The following BOC variants were observed in gnomAD, a reference collection of about 807,000 sequenced individuals.
BOC encodes BOC cell adhesion associated, oncogene regulated, also known as brother of CDO.
Under a neutral mutation model 112.0 loss-of-function variants are expected in BOC, and 76 were observed. The observed-to-expected ratio is 0.68, with a 90% CI of 0.56 to 0.82. BOC has a LOEUF of 0.82. BOC is among the 40% of genes least tolerant of loss of function. The probability of loss-of-function intolerance (pLI) is 0.00; values close to 1 mark genes in which losing one functional copy is unlikely to be tolerated. For missense variants in BOC, 1,309 were observed against 1,511.7 expected (o/e 0.87, Z 2.22); for synonymous variants, 580 against 599.8 (o/e 0.97, Z 0.48).
At chr3:113,280,897 C>G (rs1340264763) in intron 14 of BOC, 134 bp from the exon 15 acceptor site, 2 of 1,253,816 alleles carry the variant, frequency 1.6e-6, no homozygotes, top group African/African-American at 1.5e-5. Flanking sequence ...TCCAGCGTTC[C>G]TCCACACGCC....
At chr3:113,242,896 A>C (rs1398229169) in intron 2 of BOC, among the ~76,000 whole-genome samples, 2 of 152,158 alleles carry the variant, frequency 1.3e-5, no homozygotes, top group African/African-American at 4.8e-5. Context: ...GTAAGATAAC[A>C]GTAGAGATTC....
intron 2 of BOC, among the ~76,000 whole-genome samples, chr3:113,231,116 T>C (rs1430090267): frequency 1.3e-5 from 2 of 152,134 alleles, no homozygotes; most frequent in African/African-American, 4.8e-5. Context: ...CATTTTATGG[T>C]TGAAGGGGTG....
At chr3:113,230,227 C>T (rs951916569) in intron 2 of BOC, among the ~76,000 whole-genome samples, 1 of 152,164 alleles carries the variant, frequency 6.6e-6, no homozygotes, top group Admixed American at 6.6e-5. Context: ...CTCAGACACT[C>T]AGGACCGACT....
At chr3:113,264,235 T>C (rs112430466) in intron 4 of BOC, among the ~76,000 whole-genome samples, 1,722 of 152,264 alleles carry the variant, frequency 0.011, 26 homozygotes, top group African/African-American at 0.04. Flanking sequence ...AGCGTTTGAT[T>C]AATGCGGACA....
intron 2 of BOC, among the ~76,000 whole-genome samples, chr3:113,230,857 A>G (rs1246374170): frequency 6.6e-6 from 1 of 152,236 alleles, no homozygotes; most frequent in Non-Finnish European, 1.5e-5. Flanking sequence ...ATTTCAGCAA[A>G]CTAAGTATTA....
At chr3:113,234,395 G>A (rs1196764611) in intron 2 of BOC, among the ~76,000 whole-genome samples, 1 of 151,886 alleles carries the variant, frequency 6.6e-6, no homozygotes, top group Non-Finnish European at 1.5e-5. Context: ...ATGTGTGTAG[G>A]AACCTGTGTA....
chr3:113,211,552 A>C (rs2107534499), upstream of BOC: 1 of 152,364 alleles, frequency 6.6e-6, no homozygotes, highest in African/African-American at 2.4e-5. Flanking sequence ...ATTGTTTGCG[A>C]GTTCAGTCAT....
chr3:113,226,623 G>A (rs1941705021), intron 2 of BOC, among the ~76,000 whole-genome samples: 1 of 152,230 alleles, frequency 6.6e-6, no homozygotes, highest in Non-Finnish European at 1.5e-5. Context: ...CAAAATGCCA[G>A]TGTTAATACC....
chr3:113,239,206 GT>G (rs958533220), intron 2 of BOC, among the ~76,000 whole-genome samples: 12 of 142,442 alleles, frequency 8.4e-5, no homozygotes, highest in African/African-American at 2.9e-4. Context: ...ATCTTCACCT[GT>G]TTTTTTTAAG....
chr3:113,217,386 G>A (rs1034341585), intron 2 of BOC, among the ~76,000 whole-genome samples: 1 of 152,142 alleles, frequency 6.6e-6, no homozygotes, highest in Non-Finnish European at 1.5e-5. Flanking sequence ...AATTAGCCAG[G>A]CGTGGTGGCA....
intron 4 of BOC, among the ~76,000 whole-genome samples, chr3:113,258,781 A>G (rs1395981232): frequency 6.6e-6 from 1 of 152,212 alleles, no homozygotes; most frequent in Non-Finnish European, 1.5e-5. Context: ...GGAAAAGGAG[A>G]GCCAGCTTGA....
intron 2 of BOC, among the ~76,000 whole-genome samples, 177 bp from the exon 3 acceptor site, chr3:113,249,545 T>A (rs1306282744): frequency 6.6e-6 from 1 of 152,160 alleles, no homozygotes; most frequent in Non-Finnish European, 1.5e-5. Flanking sequence ...ATAAGAAGCT[T>A]CTTTTAGATG....
chr3:113,278,995 G>A lies in BOC; in HGVS notation c.1816+212G>A. 1 of 634,942 alleles carries A rather than the reference G, an allele frequency of 1.6e-6. No individual in the cohort carries two copies. The highest frequency in any genetic ancestry group is 2.7e-6 in the Non-Finnish European group (1 of 367,326). 39.3% of individuals were successfully genotyped at this position (634,942 alleles called of 1,614,324 possible). On this transcript the variant is annotated intron_variant, in intron 11 of 19. Coordinates refer to ENST00000682979, the MANE Select transcript of BOC (RefSeq NM_001378074.1). This position sits in a 1 kb window ranked among gnomAD's most constrained non-coding sequence, Gnocchi z 4.2. Reference sequence around the variant, plus strand: ...GCTCACTGGGTGCATCCAGAGAGCAGCAGAGGCCAGAGCTGTGGTCCTTGG... The same window carrying A: ...GCTCACTGGGTGCATCCAGAGAGCAACAGAGGCCAGAGCTGTGGTCCTTGG...
At position 113,225,834 on chromosome 3, in the gene BOC, A is replaced by G. The variant is rs1462464073; in HGVS notation, c.-82+9560A>G. On this transcript the variant is annotated intron_variant, in intron 2 of 19. Transcript: ENST00000682979. ...AACGGTGGTTACTAACCATTACCTC[A>G]TCTAGAAGCCTTGGCCCTTGCCTCA... Among the ~76,000 whole-genome samples, 4 of 152,210 alleles carry G rather than the reference A, an allele frequency of 2.6e-5. No homozygotes were observed. The East Asian group carries it at 7.7e-4, about 29-fold the overall frequency.
chr3:113,273,636 T>C (rs1215492568), intron 8 of BOC, among the ~76,000 whole-genome samples: 4 of 152,174 alleles, frequency 2.6e-5, no homozygotes, highest in Non-Finnish European at 4.4e-5. Context: ...TCATTCCAGT[T>C]GGGGCCTATG....
chr3:113,263,714 T>G (rs2107573262), intron 4 of BOC, among the ~76,000 whole-genome samples: 1 of 152,348 alleles, frequency 6.6e-6, no homozygotes, highest in South Asian at 2.1e-4. Context: ...TACTGTAATT[T>G]AATTCATAGC....
chr3:113,215,334 G>A (rs1939150174), intron 1 of BOC, among the ~76,000 whole-genome samples: 1 of 152,162 alleles, frequency 6.6e-6, no homozygotes, highest in South Asian at 2.1e-4. Flanking sequence ...ATGCAGGAAG[G>A]AAGGTTTAGA....
intron 4 of BOC, among the ~76,000 whole-genome samples, chr3:113,253,670 G>C (rs1945898585): frequency 6.6e-6 from 1 of 151,852 alleles, no homozygotes; most frequent in Non-Finnish European, 1.5e-5. Flanking sequence ...CATCCCCAAT[G>C]TCCCCTCATG....
chr3:113,262,167 C>A (rs933761612), intron 4 of BOC, among the ~76,000 whole-genome samples: 1 of 152,164 alleles, frequency 6.6e-6, no homozygotes, highest in Non-Finnish European at 1.5e-5. Context: ...AGACAGCAAA[C>A]ATATTTATCC....
Sources: gnomAD v4.1 joint callset for allele counts (sites outside exome capture counted in the v4.1 genomes callset) on GRCh38, gnomAD v4.1.1 for gene constraint, Gnocchi (gnomAD v3.1) non-coding constraint, MANE v1.5 for transcripts, NCBI Gene and HGNC (gene_info 2026-07-23, HGNC 2026-07-21) for gene names.